ZNF516: variants seen among roughly 807,000 people sequenced by gnomAD.
ZNF516 encodes the protein zinc finger protein 516.
ZNF516 carries 19 observed loss-of-function variants against 79.7 expected under a neutral mutation model. The ratio of observed to expected loss-of-function variants is 0.24; its 90% CI spans 0.17 to 0.35. The LOEUF is 0.35. ZNF516 is among the 10% of genes least tolerant of loss of function. The pLI, the probability that ZNF516 is intolerant of heterozygous loss-of-function variation, is 1.00. For missense variants in ZNF516, 1,678 were observed against 1,679.5 expected (o/e 1.00, Z 0.02); for synonymous variants, 877 against 739.5 (o/e 1.19, Z -3.02).
chr18:76,370,580 T>C lies in ZNF516; in HGVS notation c.3380A>G (p.Asp1127Gly). ...MRAHSVVFES[D>G]GPRGSEVHTT... ...ATGAACTTCAGAACCCCGAGGCCCATCGGACTCAAACACCACTGTGGGAAC... is the reference window on the plus strand; with the variant it reads ...ATGAACTTCAGAACCCCGAGGCCCACCGGACTCAAACACCACTGTGGGAAC... Residue 1127 changes from aspartate to glycine, a missense_variant, in exon 6 of 7, where the codon GAT becomes GGT. Transcript: ENST00000443185. 1 of 1,604,628 alleles carries C rather than the reference T, an allele frequency of 6.2e-7. No homozygotes were observed.
chr18:76,385,064 C>T lies in ZNF516; in HGVS notation c.1811-4761G>A, dbSNP rs1410843778. ...CACGGAAGCACGTGCCAGGAGGAGGCAGCCGGGTCCGAGCAGCCCTAGAGA... is the reference window on the plus strand; with the variant it reads ...CACGGAAGCACGTGCCAGGAGGAGGTAGCCGGGTCCGAGCAGCCCTAGAGA... On this transcript the variant is annotated intron_variant, in intron 3 of 6. Transcript: ENST00000443185. Among the ~76,000 whole-genome samples, 5 of 152,332 alleles carry T rather than the reference C, an allele frequency of 3.3e-5. No individual in the cohort carries two copies. In the East Asian group the frequency reaches 9.7e-4, roughly 29 times the overall value.
chr18:76,447,594 T>A (rs1010418154), intron 2 of ZNF516, among the ~76,000 whole-genome samples: 1 of 152,152 alleles, frequency 6.6e-6, no homozygotes, highest in South Asian at 2.1e-4. Flanking sequence ...TACGGAAAGG[T>A]TCTGCAACAA....
At position 76,492,967 on chromosome 18, in the gene ZNF516, C is replaced by T; in HGVS notation, c.-272+2177G>A. On this transcript the variant is annotated intron_variant, in intron 1 of 6. Transcript: ENST00000443185. ...TTCACAGTGTGCAGACACATGGGCTCATGCACGCGCACGCGCGCGCTCACA... is the reference window on the plus strand; with the variant it reads ...TTCACAGTGTGCAGACACATGGGCTTATGCACGCGCACGCGCGCGCTCACA... 6 of 985,578 alleles carry T rather than the reference C, an allele frequency of 6.1e-6. No homozygotes were observed. The South Asian group carries it at 2.8e-4, about 46-fold the overall frequency. The allele number at this position is 985,578 out of a possible 1,614,324, so 61.1% of individuals were successfully genotyped here.
intron 3 of ZNF516, among the ~76,000 whole-genome samples, chr18:76,403,430 C>A (rs1413000036): frequency 6.6e-6 from 1 of 152,210 alleles, no homozygotes; most frequent in Non-Finnish European, 1.5e-5. Flanking sequence ...TGCACAGCCA[C>A]ACCTGGGGGG....
intron 3 of ZNF516, among the ~76,000 whole-genome samples, chr18:76,432,737 T>C (rs2075679048): frequency 6.6e-6 from 1 of 152,018 alleles, no homozygotes; most frequent in African/African-American, 2.4e-5. Flanking sequence ...GACCAACCTC[T>C]CTCTAGGAAG....
rs1913560902 is a variant in ZNF516, at chr18:76,467,540, CAAGT to C, written c.-271-4403_-271-4400del. On this transcript the variant is annotated intron_variant, in intron 1 of 6. Coordinates refer to ENST00000443185, the MANE Select transcript of ZNF516 (RefSeq NM_014643.4). This position sits in a 1 kb window ranked among gnomAD's most constrained non-coding sequence, Gnocchi z 4.2. ...AGGTGCTGGGCTTTCCTGGAGGCTG[CAAGT>C]AAGTGCTCAGTCAAGGAGGGGACAA... Among the ~76,000 whole-genome samples the C allele has an allele frequency of 6.6e-6, 1 of 152,110 alleles. No individual in the cohort carries two copies. The highest frequency in any genetic ancestry group is 1.5e-5 in the Non-Finnish European group (1 of 67,982).
intron 3 of ZNF516, among the ~76,000 whole-genome samples, chr18:76,408,563 T>A (rs1167229747): frequency 3.9e-5 from 6 of 152,170 alleles, no homozygotes; most frequent in Non-Finnish European, 8.8e-5. Flanking sequence ...GGTGTCAATG[T>A]TTGTCATCCA....
At chr18:76,385,501 T>TGCAGCCAC (rs150279710) in intron 3 of ZNF516, 3 of 152,260 alleles carry the variant, frequency 2.0e-5, no homozygotes, top group Non-Finnish European at 2.9e-5. Context: ...CAAAAAAGTC[T>TGCAGCCAC]GCAGCCACGC....
intron 1 of ZNF516, among the ~76,000 whole-genome samples, chr18:76,478,819 G>A (rs553250205): frequency 1.1e-3 from 170 of 152,246 alleles, no homozygotes; most frequent in Non-Finnish European, 1.4e-3. Flanking sequence ...ACTGTAAGAG[G>A]CCGAAACAGG....
intron 1 of ZNF516, among the ~76,000 whole-genome samples, chr18:76,480,056 C>T (rs927177947): frequency 2.7e-5 from 4 of 148,678 alleles, no homozygotes; most frequent in Admixed American, 1.3e-4. Context: ...TGTGGCGGGG[C>T]GCCCCTAGAG....
intron 1 of ZNF516, among the ~76,000 whole-genome samples, chr18:76,483,521 C>T (rs1369918110): frequency 2.0e-5 from 3 of 152,118 alleles, no homozygotes; most frequent in Non-Finnish European, 2.9e-5. Context: ...GGTCATCTGC[C>T]GCACCACACT....
chr18:76,466,407 C>T (rs1280328092), intron 1 of ZNF516, among the ~76,000 whole-genome samples: 1 of 152,198 alleles, frequency 6.6e-6, no homozygotes, highest in East Asian at 1.9e-4. Flanking sequence ...TAATGGTGCA[C>T]CCATGCTGCC....
chr18:76,415,456 T>G (rs571061065), intron 3 of ZNF516, among the ~76,000 whole-genome samples: 1 of 152,286 alleles, frequency 6.6e-6, no homozygotes, highest in South Asian at 2.1e-4. Context: ...CTCTGAGCCA[T>G]CGCCTTAGAC....
chr18:76,384,683 G>A (rs539412021), intron 3 of ZNF516, among the ~76,000 whole-genome samples: 24 of 151,134 alleles, frequency 1.6e-4, no homozygotes, highest in East Asian at 2.0e-4. Context: ...GGAAGAACTC[G>A]GCTAGAGAAG....
intron 3 of ZNF516, among the ~76,000 whole-genome samples, chr18:76,399,938 T>C (rs1404348732): frequency 1.3e-5 from 2 of 152,274 alleles, no homozygotes; most frequent in Non-Finnish European, 1.5e-5. Flanking sequence ...CCTGGCTCTT[T>C]GGCCTAGTTT....
At chr18:76,450,773 T>C (rs1299599879) in intron 2 of ZNF516, among the ~76,000 whole-genome samples, 5 of 152,210 alleles carry the variant, frequency 3.3e-5, no homozygotes, top group Admixed American at 6.5e-5. Context: ...TATGGCGTTA[T>C]CAGGGAAAAA....
chr18:76,471,884 G>A (rs1227070745), intron 1 of ZNF516, among the ~76,000 whole-genome samples: 1 of 152,166 alleles, frequency 6.6e-6, no homozygotes, highest in African/African-American at 2.4e-5. Flanking sequence ...TCTCATTCCA[G>A]GACATCACGC....
intron 6 of ZNF516, 102 bp downstream of exon 6, chr18:76,370,425 GA>G: frequency 3.4e-6 from 4 of 1,190,746 alleles, no homozygotes; most frequent in East Asian, 2.7e-5. Context: ...CACATCTAGT[GA>G]AAAAAACAAA....
chr18:76,449,480 G>A (rs1912265032), intron 2 of ZNF516, among the ~76,000 whole-genome samples: 1 of 152,226 alleles, frequency 6.6e-6, no homozygotes, highest in South Asian at 2.1e-4. Flanking sequence ...AGTTGTGAGA[G>A]GCAGCCAGAC....
Sources: gnomAD v4.1 joint callset for allele counts (sites outside exome capture counted in the v4.1 genomes callset) on GRCh38, gnomAD v4.1.1 for gene constraint, Gnocchi (gnomAD v3.1) non-coding constraint, MANE v1.5 for transcripts, NCBI Gene and HGNC (gene_info 2026-07-23, HGNC 2026-07-21) for gene names.